The following MAD1L1 variants were observed in gnomAD, a reference collection of about 807,000 sequenced individuals.
MAD1L1 encodes mitotic spindle assembly checkpoint protein MAD1.
A neutral mutation model predicts 96.9 loss-of-function variants in MAD1L1; 95 were observed. The observed-to-expected ratio is 0.98, with a 90% confidence interval of 0.83 to 1.16. The LOEUF is 1.16. MAD1L1 is among the 50% of genes most tolerant of loss of function. The probability of loss-of-function intolerance (pLI) is 0.00; values close to 1 mark genes in which losing one functional copy is unlikely to be tolerated. For missense variants in MAD1L1, 1,007 were observed against 954.4 expected, an observed-to-expected ratio of 1.06 and a Z score of -0.73; for synonymous variants, 473 against 396.6, an observed-to-expected ratio of 1.19 and a Z score of -2.29.
In MAD1L1 at chr7:2,213,257, A is replaced by T. The variant is rs1793078727; in HGVS notation, c.941T>A (p.Leu314Gln). The T allele has an allele frequency of 1.2e-6, 2 of 1,614,048 alleles. No homozygotes were observed. The highest frequency in any genetic ancestry group is 4.5e-5 in the East Asian group (2 of 44,892). Reference sequence around the variant, plus strand: ...CTGGTCCAGTCTCTCCCAGCTTTGCAGCTTGGCCAGCAGCCTCTGAAAAGA... The same window carrying T: ...CTGGTCCAGTCTCTCCCAGCTTTGCTGCTTGGCCAGCAGCCTCTGAAAAGA... Reference protein sequence around the residue: ...ELENERLLAKLQSWERLDQTM... With the variant: ...ELENERLLAKQQSWERLDQTM... Residue 314 changes from leucine (L) to glutamine (Q), a missense_variant, in exon 10 of 19, where the codon CTG becomes CAG. Leu to Gln is a moderately radical substitution (Grantham distance 113, BLOSUM62 -2). Transcript: ENST00000265854.
At chr7:2,072,220 T>C (rs1785166033) in intron 11 of MAD1L1, among the ~76,000 whole-genome samples, 1 of 152,220 alleles carries the variant, frequency 6.6e-6, no homozygotes, top group Non-Finnish European at 1.5e-5. Flanking sequence ...GAGACTGAGC[T>C]GAACGGCTGG....
chr7:2,228,226 C>G (rs1211787404), intron 3 of MAD1L1, among the ~76,000 whole-genome samples: 1 of 152,100 alleles, frequency 6.6e-6, no homozygotes, highest in Non-Finnish European at 1.5e-5. Context: ...ACAGCTTTGA[C>G]AGACAGGCCA....
intron 7 of MAD1L1, 100 bp downstream of exon 7, chr7:2,217,862 G>T: frequency 3.0e-6 from 3 of 984,672 alleles, no homozygotes; most frequent in Non-Finnish European, 4.9e-6. Context: ...CCTCACAGAA[G>T]GACCACGGAG....
At position 2,216,294 on chromosome 7, in the gene MAD1L1, G is replaced by C; in HGVS notation, c.679-7C>G. On this transcript the variant is annotated splice_polypyrimidine_tract_variant and splice_region_variant and intron_variant, in intron 7 of 18. Coordinates refer to ENST00000265854, the MANE Select transcript of MAD1L1 (RefSeq NM_001013836.2). ...ACAGCTTCTGCTCCAGATCCTGATG[G>C]AGGCCAGGGACAGAGAAGAAGGGAA... is the stretch of plus-strand genomic sequence containing the variant. 1 of 1,613,084 alleles carries C rather than the reference G, an allele frequency of 6.2e-7. No individual in the cohort carries two copies. Among genetic ancestry groups the C allele is most frequent in the South Asian group, 1.1e-5 (1 of 90,950 alleles).
chr7:2,225,089 C>A (rs1325010569), intron 4 of MAD1L1, among the ~76,000 whole-genome samples: 2 of 152,212 alleles, frequency 1.3e-5, no homozygotes, highest in Non-Finnish European at 2.9e-5. Context: ...TCATGCCACC[C>A]TCCTCTAGGA....
At chr7:2,044,591 G>A (rs550586534) in intron 12 of MAD1L1, among the ~76,000 whole-genome samples, 16 of 152,262 alleles carry the variant, frequency 1.1e-4, no homozygotes, top group Admixed American at 2.0e-4. Context: ...GGGTGCGGCC[G>A]GGAGGTCTGG....
intron 10 of MAD1L1, among the ~76,000 whole-genome samples, chr7:2,177,141 T>C (rs910952909): frequency 3.9e-5 from 6 of 152,258 alleles, no homozygotes; most frequent in African/African-American, 1.2e-4. Context: ...AATAGTCTGG[T>C]CAAGTTTTTC....
intron 18 of MAD1L1, among the ~76,000 whole-genome samples, chr7:1,826,889 T>C (rs985139032): frequency 2.0e-5 from 3 of 152,180 alleles, no homozygotes; most frequent in Non-Finnish European, 4.4e-5. Context: ...GGGTGACCTT[T>C]CCTTCAAGAG....
chr7:2,111,329 C>G (rs773147671), intron 11 of MAD1L1, among the ~76,000 whole-genome samples: 1 of 152,234 alleles, frequency 6.6e-6, no homozygotes, highest in Non-Finnish European at 1.5e-5. Flanking sequence ...AGCCCCCAGT[C>G]CCAGGCGTGG....
At chr7:2,159,148 T>A (rs1009719895) in intron 10 of MAD1L1, among the ~76,000 whole-genome samples, 2 of 152,178 alleles carry the variant, frequency 1.3e-5, no homozygotes, top group African/African-American at 4.8e-5. Context: ...GCCCCATCCA[T>A]AAGCCCAAAG....
chr7:2,155,681 C>A (rs1460388709), intron 10 of MAD1L1, among the ~76,000 whole-genome samples: 2 of 152,230 alleles, frequency 1.3e-5, no homozygotes, highest in South Asian at 4.1e-4. Context: ...TGTGTGGCTA[C>A]ACAACGTTTA....
intron 16 of MAD1L1, among the ~76,000 whole-genome samples, chr7:1,952,701 T>C (rs1779555048): frequency 6.6e-6 from 1 of 152,144 alleles, no homozygotes; most frequent in Non-Finnish European, 1.5e-5. Flanking sequence ...CCAACCCCCT[T>C]GCCTCACAAA....
intron 11 of MAD1L1, among the ~76,000 whole-genome samples, chr7:2,073,677 G>A (rs534754012): frequency 1.3e-5 from 2 of 152,244 alleles, no homozygotes; most frequent in East Asian, 1.9e-4. Flanking sequence ...AGGATGTAGC[G>A]TGAAGCGTGT....
intron 11 of MAD1L1, among the ~76,000 whole-genome samples, chr7:2,089,642 T>G (rs1183150461): frequency 1.3e-5 from 2 of 150,578 alleles, no homozygotes; most frequent in Admixed American, 6.6e-5. Flanking sequence ...TTAATCACAC[T>G]TCCAATACCT....
rs747816666 is a variant in MAD1L1, at chr7:2,220,973, G to A, written c.472-1517C>T. The A allele has an allele frequency of 1.9e-6, 3 of 1,612,396 alleles. No homozygotes were observed. In the African/African-American group the frequency reaches 4.0e-5, roughly 22 times the overall value. On this transcript the variant is annotated intron_variant, in intron 5 of 18. Transcript: ENST00000265854. ...TAGGGGACGCCGGACAGTTGGCAAG[G>A]AAGAGGCGCATAAGATAATTCCAGA...
At chr7:2,085,213 T>G (rs764326923) in intron 11 of MAD1L1, among the ~76,000 whole-genome samples, 3 of 152,196 alleles carry the variant, frequency 2.0e-5, no homozygotes, top group Non-Finnish European at 4.4e-5. Flanking sequence ...CAGCCACCAT[T>G]CCAGGCAAAG....
chr7:2,113,940 T>TGCAGG (rs1787518456), intron 11 of MAD1L1, among the ~76,000 whole-genome samples: 1 of 151,860 alleles, frequency 6.6e-6, no homozygotes, highest in South Asian at 2.1e-4. Flanking sequence ...TGTCCCAGAG[T>TGCAGG]GCAGGGCAGG....
chr7:1,850,203 C>T (rs1783891425), intron 18 of MAD1L1, among the ~76,000 whole-genome samples: 1 of 152,148 alleles, frequency 6.6e-6, no homozygotes, highest in Admixed American at 6.5e-5. Context: ...CTGGGCAGGC[C>T]TCCCCTTCTG....
intron 16 of MAD1L1, among the ~76,000 whole-genome samples, chr7:1,941,266 C>T (rs987178538): frequency 4.3e-4 from 65 of 152,182 alleles, no homozygotes; most frequent in African/African-American, 1.5e-3. Flanking sequence ...CGGGCAGGAA[C>T]GAGAGCCAGA....
Sources: gnomAD v4.1 joint callset for allele counts (sites outside exome capture counted in the v4.1 genomes callset) on GRCh38, gnomAD v4.1.1 for gene constraint, MANE v1.5 for transcripts, NCBI Gene and HGNC (gene_info 2026-07-23, HGNC 2026-07-21) for gene names.